The following LNX1 variants were observed in gnomAD, a reference collection of about 807,000 sequenced individuals.
The protein encoded by LNX1 is E3 ubiquitin-protein ligase LNX.
In LNX1, 54 loss-of-function variants were observed where a neutral mutation model predicts 68.4. That is an observed-to-expected ratio of 0.79 (90% CI 0.63 to 0.99). The LOEUF is 0.99. Ranked by LOEUF, LNX1 falls within the 50% of genes least tolerant of loss-of-function variation. The pLI is 0.00. For missense variants in LNX1, 906 were observed against 926.4 expected (o/e 0.98, Z 0.29); for synonymous variants, 336 against 350.0 (o/e 0.96, Z 0.45).
rs1394812452 is a variant in LNX1 at position 53,460,648 on chromosome 4, T to G, written c.*259A>C. On this transcript the variant is annotated 3_prime_UTR_variant, in exon 11 of 11. Coordinates refer to ENST00000263925, the MANE Select transcript of LNX1 (RefSeq NM_001126328.3). ...CAAATCATTTTAGTTGTTTTAGGGC[T>G]TTTTATTGAATAGAAAAAATATAAA... The G allele has an allele frequency of 2.7e-6, 1 of 364,448 alleles. No individual in the cohort carries two copies. The highest frequency in any genetic ancestry group is 4.8e-6 in the Non-Finnish European group (1 of 206,242). The allele number at this position is 364,448 out of a possible 1,614,324, so 22.6% of individuals were successfully genotyped here. A position where few individuals can be genotyped will look rare whatever the true frequency, so the allele number is the denominator to read the frequency against.
chr4:53,618,365 G>A (rs1733754262), upstream of LNX1, among the ~76,000 whole-genome samples: 1 of 152,142 alleles, frequency 6.6e-6, no homozygotes, highest in South Asian at 2.1e-4. Context: ...AGTCCATTAG[G>A]CAGAGACACA....
upstream of LNX1, among the ~76,000 whole-genome samples, chr4:53,618,625 G>A (rs1434784347): frequency 6.6e-6 from 1 of 152,086 alleles, no homozygotes; most frequent in Non-Finnish European, 1.5e-5. Flanking sequence ...TCTTTACAAA[G>A]ACACTCACCC....
At chr4:53,573,256 C>T (rs893432786) in intron 2 of LNX1, among the ~76,000 whole-genome samples, 30 of 152,150 alleles carry the variant, frequency 2.0e-4, no homozygotes, top group Middle Eastern at 6.8e-3. Flanking sequence ...ATGGGGAATT[C>T]GTGTTTAATG....
At chr4:53,562,238 G>A (rs986617585) in intron 2 of LNX1, among the ~76,000 whole-genome samples, 9 of 152,210 alleles carry the variant, frequency 5.9e-5, no homozygotes, top group African/African-American at 2.2e-4. Context: ...AGAGAGATGA[G>A]CAGATGGGCC....
At chr4:53,495,184 T>C (rs1458227268) in intron 6 of LNX1, among the ~76,000 whole-genome samples, 2 of 152,200 alleles carry the variant, frequency 1.3e-5, no homozygotes, top group Non-Finnish European at 2.9e-5. Context: ...GTATTATTTC[T>C]TACAATTACA....
chr4:53,636,185 T>C (rs1734468119), intron 1 of LNX1, among the ~76,000 whole-genome samples: 1 of 148,348 alleles, frequency 6.7e-6, no homozygotes, highest in African/African-American at 2.5e-5. Flanking sequence ...ACTCCTTTTT[T>C]TTTTTTTTTT....
intron 2 of LNX1, among the ~76,000 whole-genome samples, chr4:53,570,628 G>A (rs1390354041): frequency 2.0e-5 from 3 of 150,284 alleles, no homozygotes; most frequent in African/African-American, 2.4e-5. Context: ...ACTAACCTGC[G>A]TAATGTGCAC....
At chr4:53,507,800 G>C (rs115122786) in intron 3 of LNX1, among the ~76,000 whole-genome samples, 186 bp downstream of exon 3, 3 of 152,148 alleles carry the variant, frequency 2.0e-5, no homozygotes, top group Non-Finnish European at 4.4e-5. Context: ...ATTACACACA[G>C]TTTTAATGAT....
chr4:53,474,344 A>G (rs563119666), intron 9 of LNX1, among the ~76,000 whole-genome samples: 2 of 152,312 alleles, frequency 1.3e-5, no homozygotes, highest in African/African-American at 4.8e-5. Context: ...ACCTGGTTTT[A>G]TAAGTAAAAT....
At chr4:53,561,552 G>C (rs1267477777) in intron 2 of LNX1, among the ~76,000 whole-genome samples, 2 of 152,072 alleles carry the variant, frequency 1.3e-5, no homozygotes, top group African/African-American at 4.8e-5. Context: ...TTTCAATAAA[G>C]TCTTCCCCAC....
At position 53,573,849 on chromosome 4, in the gene LNX1, G is replaced by A. The variant is rs770335800; in HGVS notation, c.154C>T (p.Leu52=). 6.2e-7 allele frequency: 1 copy of A among 1,613,732 alleles called. No homozygotes were observed. Among genetic ancestry groups the A allele is most frequent in the Non-Finnish European group, 8.5e-7 (1 of 1,179,808 alleles). Residue 52 remains leucine (L), a synonymous_variant, in exon 2 of 11, where the codon CTG becomes TTG. Coordinates refer to ENST00000263925, the MANE Select transcript of LNX1 (RefSeq NM_001126328.3). The part of the protein sequence containing the change: ...HICLQALLDP[L]DTPCGHTYCT... Reference sequence around the variant, plus strand: ...TAGGTGTGTCCACACGGAGTGTCCAGGGGGTCCAGCAAAGCCTGCAGGCAG... The same window carrying A: ...TAGGTGTGTCCACACGGAGTGTCCAAGGGGTCCAGCAAAGCCTGCAGGCAG...
chr4:53,497,709 G>A (rs1169808907), intron 5 of LNX1, among the ~76,000 whole-genome samples: 1 of 152,266 alleles, frequency 6.6e-6, no homozygotes, highest in African/African-American at 2.4e-5. Flanking sequence ...GGAGGCAGCA[G>A]TGCACAGTGT....
chr4:53,483,170 G>C (rs11737139), intron 6 of LNX1, among the ~76,000 whole-genome samples: 101,109 of 151,992 alleles, frequency 0.67, 36,353 homozygotes, highest in Non-Finnish European at 0.81. Context: ...AGTCTCACGA[G>C]ATCTGATGAT....
chr4:53,501,057 A>G (rs1156500346), intron 4 of LNX1, among the ~76,000 whole-genome samples: 1 of 152,166 alleles, frequency 6.6e-6, no homozygotes, highest in Non-Finnish European at 1.5e-5. Context: ...AGCAACACCA[A>G]TGAGATCCTA....
chr4:53,469,479 A>G (rs1452799968), intron 9 of LNX1, among the ~76,000 whole-genome samples: 27 of 152,348 alleles, frequency 1.8e-4, no homozygotes, highest in South Asian at 8.3e-4. Context: ...AAGGCAAGAA[A>G]TAACTAAGAT....
intron 1 of LNX1, among the ~76,000 whole-genome samples, chr4:53,643,232 C>A (rs1734756329): frequency 1.3e-5 from 2 of 152,042 alleles, no homozygotes; most frequent in African/African-American, 4.8e-5. Flanking sequence ...CTCACTGCAG[C>A]CTCAAATTCC....
At chr4:53,647,002 C>T (rs1734911986) in intron 1 of LNX1, among the ~76,000 whole-genome samples, 1 of 152,230 alleles carries the variant, frequency 6.6e-6, no homozygotes, top group Admixed American at 6.5e-5. Flanking sequence ...AGCTGGCCTC[C>T]TGGCCAGGCA....
chr4:53,489,414 G>A (rs1361792789), intron 6 of LNX1, among the ~76,000 whole-genome samples: 1 of 152,142 alleles, frequency 6.6e-6, no homozygotes, highest in Non-Finnish European at 1.5e-5. Flanking sequence ...GGGTCATACA[G>A]ATGTCAGTGA....
At position 53,574,860 on chromosome 4, in the gene LNX1, T is replaced by C. The variant is rs559801043; in HGVS notation, c.-86-772A>G. ...AAGTGCTCAATAATTCTTACATGTA[T>C]TTGTTACTGAATTCATTGTCTCTAG... is the stretch of plus-strand genomic sequence containing the variant. On this transcript the variant is annotated intron_variant, in intron 1 of 10. Transcript: ENST00000263925. Among the ~76,000 whole-genome samples the C allele has an allele frequency of 5.3e-5, 8 of 152,362 alleles. No homozygotes were observed. In the East Asian group the frequency reaches 1.5e-3, roughly 29 times the overall value.
Sources: gnomAD v4.1 joint callset for allele counts (sites outside exome capture counted in the v4.1 genomes callset) on GRCh38, gnomAD v4.1.1 for gene constraint, MANE v1.5 for transcripts, NCBI Gene and HGNC (gene_info 2026-07-23, HGNC 2026-07-21) for gene names.